BMP6: variants seen among roughly 807,000 people sequenced by gnomAD.
BMP6 encodes the protein VG-1-R.
BMP6 carries 17 observed loss-of-function variants against 54.1 expected under a neutral mutation model. The observed-to-expected ratio is 0.31, with a 90% confidence interval of 0.22 to 0.47. The LOEUF (loss-of-function observed/expected upper bound fraction) is 0.47, where lower values mean the gene tolerates loss of function less well. Among genes scored for constraint, BMP6 ranks in the 20% least tolerant of loss-of-function variants. The pLI is 1.00. For missense variants in BMP6, 720 were observed against 690.4 expected (o/e 1.04, Z -0.48); for synonymous variants, 328 against 291.2 (o/e 1.13, Z -1.28).
chr6:7,779,818 T>C (rs1757915909), intron 1 of BMP6, among the ~76,000 whole-genome samples: 1 of 152,146 alleles, frequency 6.6e-6, no homozygotes, highest in Admixed American at 6.5e-5. Flanking sequence ...GGTACTCAAA[T>C]AGCAAAGAGA....
At chr6:7,814,633 G>A (rs1173296423) in intron 1 of BMP6, among the ~76,000 whole-genome samples, 1 of 152,050 alleles carries the variant, frequency 6.6e-6, no homozygotes, top group East Asian at 1.9e-4. Flanking sequence ...CAAGCCATTG[G>A]CAGGAGACAT....
At chr6:7,842,898 G>A (rs1378371343) in intron 1 of BMP6, among the ~76,000 whole-genome samples, 9 of 152,188 alleles carry the variant, frequency 5.9e-5, no homozygotes, top group Middle Eastern at 3.2e-3. Context: ...GCTCTCCAGC[G>A]AATCTTAAAA....
At chr6:7,812,311 T>A (rs1397675373) in intron 1 of BMP6, among the ~76,000 whole-genome samples, 1 of 152,242 alleles carries the variant, frequency 6.6e-6, no homozygotes, top group Non-Finnish European at 1.5e-5. Flanking sequence ...TCCATTCCAG[T>A]TCTTAGGAAC....
chr6:7,815,444 GAAAT>G (rs1261911392), intron 1 of BMP6, among the ~76,000 whole-genome samples: 1 of 152,218 alleles, frequency 6.6e-6, no homozygotes, highest in African/African-American at 2.4e-5. Flanking sequence ...GGGATTGAGA[GAAAT>G]AAATCAGATG....
At chr6:7,874,797 C>T (rs1030802041) in intron 4 of BMP6, among the ~76,000 whole-genome samples, 2 of 135,926 alleles carry the variant, frequency 1.5e-5, no homozygotes, top group South Asian at 2.3e-4. Context: ...ACAAGCTTGT[C>T]AACGCTATGT....
At position 7,804,604 on chromosome 6, in the gene BMP6, T is replaced by C. The variant is rs143465332; in HGVS notation, c.665-40536T>C. Among the ~76,000 whole-genome samples, 48 of 152,262 alleles carry C rather than the reference T, an allele frequency of 3.2e-4. No homozygotes were observed. In the East Asian group the frequency reaches 7.1e-3, roughly 23 times the overall value. The stretch of plus-strand genomic sequence containing the variant: ...ACATGGGTAATGCTGGAAGTCTTTT[T>C]CTCTTTCCCTATGAATGGAAAATTC... On this transcript the variant is annotated intron_variant, in intron 1 of 6. Transcript: ENST00000283147.
At chr6:7,816,266 G>A (rs1758524607) in intron 1 of BMP6, among the ~76,000 whole-genome samples, 1 of 152,204 alleles carries the variant, frequency 6.6e-6, no homozygotes, top group Admixed American at 6.5e-5. Flanking sequence ...AGAAGTAGTG[G>A]AAGAGAATGG....
chr6:7,767,303 G>T (rs1757708461), intron 1 of BMP6, among the ~76,000 whole-genome samples: 1 of 152,262 alleles, frequency 6.6e-6, no homozygotes, highest in South Asian at 2.1e-4. Context: ...GATGTTTTAT[G>T]CTTATTGTGC....
chr6:7,864,037 A>T (rs35153578), intron 4 of BMP6, among the ~76,000 whole-genome samples: 1 of 149,408 alleles, frequency 6.7e-6, no homozygotes, highest in African/African-American at 2.5e-5. Flanking sequence ...AGTTCTCCCC[A>T]GTGTGTTTTT....
chr6:7,759,441 T>G (rs1757574460), intron 1 of BMP6, among the ~76,000 whole-genome samples: 1 of 152,192 alleles, frequency 6.6e-6, no homozygotes, highest in Non-Finnish European at 1.5e-5. Flanking sequence ...CAGAACACTT[T>G]GGTTCTAGTC....
chr6:7,824,619 A>T (rs919592976), intron 1 of BMP6, among the ~76,000 whole-genome samples: 2 of 152,236 alleles, frequency 1.3e-5, no homozygotes, highest in African/African-American at 4.8e-5. Flanking sequence ...ACACAGAGGT[A>T]ATCTGATAAT....
At chr6:7,857,834 G>A (rs897203046) in intron 2 of BMP6, among the ~76,000 whole-genome samples, 10 of 152,320 alleles carry the variant, frequency 6.6e-5, no homozygotes, top group African/African-American at 2.2e-4. Context: ...CTTTGAGGGT[G>A]AGCCCATAAA....
intron 1 of BMP6, among the ~76,000 whole-genome samples, chr6:7,805,368 A>G (rs1758332966): frequency 6.6e-6 from 1 of 152,248 alleles, no homozygotes; most frequent in Admixed American, 6.5e-5. Context: ...ATCTGTATCT[A>G]TTCAACACAC....
chr6:7,765,273 AGAG>A (rs1757670231), intron 1 of BMP6, among the ~76,000 whole-genome samples: 7 of 152,232 alleles, frequency 4.6e-5, no homozygotes, highest in Admixed American at 2.6e-4. Flanking sequence ...AGTTTCCCAG[AGAG>A]GGGGAAACCC....
intron 1 of BMP6, among the ~76,000 whole-genome samples, chr6:7,730,324 C>T (rs1186752609): frequency 6.6e-6 from 1 of 152,036 alleles, no homozygotes; most frequent in Non-Finnish European, 1.5e-5. Flanking sequence ...AAAAAAATCC[C>T]CTAAAAATTT....
At chr6:7,847,345 G>A (rs2113257465) in intron 2 of BMP6, among the ~76,000 whole-genome samples, 1 of 152,320 alleles carries the variant, frequency 6.6e-6, no homozygotes, top group South Asian at 2.1e-4. Flanking sequence ...TGGCCAGGAA[G>A]AGATTTTCTT....
At chr6:7,865,172 C>T (rs1205453133) in intron 4 of BMP6, among the ~76,000 whole-genome samples, 1 of 152,030 alleles carries the variant, frequency 6.6e-6, no homozygotes, top group African/African-American at 2.4e-5. Context: ...TTTCCAAGTC[C>T]CTTTCAACTT....
At chr6:7,782,986 G>A (rs1757969897) in intron 1 of BMP6, among the ~76,000 whole-genome samples, 2 of 152,182 alleles carry the variant, frequency 1.3e-5, no homozygotes, top group African/African-American at 4.8e-5. Context: ...TGATCATTGA[G>A]ATCCATTTGG....
chr6:7,857,206 C>T (rs965324234), intron 2 of BMP6, among the ~76,000 whole-genome samples: 1 of 152,192 alleles, frequency 6.6e-6, no homozygotes, highest in Non-Finnish European at 1.5e-5. Context: ...TTATGAGTGG[C>T]TTTCTGATTC....
Sources: gnomAD v4.1 joint callset for allele counts (sites outside exome capture counted in the v4.1 genomes callset) on GRCh38, gnomAD v4.1.1 for gene constraint, MANE v1.5 for transcripts, NCBI Gene and HGNC (gene_info 2026-07-23, HGNC 2026-07-21) for gene names.